SETD2: variants seen among roughly 807,000 people sequenced by gnomAD.
SETD2 encodes SET domain containing 2, histone lysine methyltransferase.
Under a neutral mutation model 242.1 loss-of-function variants are expected in SETD2, and 31 were observed. The ratio of observed to expected loss-of-function variants is 0.13; its 90% CI spans 0.10 to 0.17. The LOEUF (loss-of-function observed/expected upper bound fraction) is 0.17, where lower values mean the gene tolerates loss of function less well. Among genes scored for constraint, SETD2 ranks in the 10% least tolerant of loss-of-function variants. The pLI is 1.00. For synonymous variants in SETD2, 1,006 were observed against 1,066.5 expected, an observed-to-expected ratio of 0.94 and a Z score of 1.11; for missense variants, 2,481 against 3,046.3, an observed-to-expected ratio of 0.81 and a Z score of 4.37.
intron 18 of SETD2, among the ~76,000 whole-genome samples, chr3:47,023,696 C>A (rs569508968): frequency 6.6e-6 from 1 of 151,862 alleles, no homozygotes; most frequent in Non-Finnish European, 1.5e-5. Flanking sequence ...AAATAAGAAC[C>A]AATTTTAAAA....
intron 13 of SETD2, among the ~76,000 whole-genome samples, chr3:47,066,731 A>G (rs944364276): frequency 6.8e-6 from 1 of 146,728 alleles, no homozygotes. Flanking sequence ...TCTGGTGCGA[A>G]GGAAAAAAAA....
chr3:47,052,822 T>TA (rs959118597), intron 15 of SETD2, among the ~76,000 whole-genome samples: 37 of 150,768 alleles, frequency 2.5e-4, no homozygotes, highest in South Asian at 8.5e-4. Flanking sequence ...TCTCCAAAAA[T>TA]AAAAAAAAAT....
At chr3:47,105,514 C>G (rs558533274) in intron 6 of SETD2, among the ~76,000 whole-genome samples, 2 of 151,750 alleles carry the variant, frequency 1.3e-5, no homozygotes, top group African/African-American at 2.4e-5. Flanking sequence ...GTAAATTCCT[C>G]TCTCTTCCAT....
At chr3:47,118,593 C>T (rs1402820686) in intron 3 of SETD2, among the ~76,000 whole-genome samples, 4 of 150,126 alleles carry the variant, frequency 2.7e-5, no homozygotes, top group East Asian at 2.0e-4. Context: ...TGGTGGCACC[C>T]GGCAGAGGTT....
chr3:47,148,225 G>C (rs1485381027), intron 1 of SETD2, among the ~76,000 whole-genome samples: 1 of 151,860 alleles, frequency 6.6e-6, no homozygotes, highest in East Asian at 1.9e-4. Context: ...CTGCCTCCTG[G>C]GTTCAAACAA....
intron 4 of SETD2, 88 bp downstream of exon 4, chr3:47,116,535 G>T (rs2107727171): frequency 1.4e-6 from 2 of 1,386,180 alleles, no homozygotes; most frequent in Non-Finnish European, 2.0e-6. Flanking sequence ...TAGGAGAAAG[G>T]TTAAATTTTA....
chr3:47,066,871 G>A lies in SETD2; in HGVS notation c.6109+199C>T, dbSNP rs73079603. The A allele has an allele frequency of 0.17, 82,735 of 481,684 alleles. 8,093 individuals are homozygous for A. The highest frequency in any genetic ancestry group is 0.21 in the Middle Eastern group (382 of 1,796). 29.8% of individuals were successfully genotyped at this position (481,684 alleles called of 1,614,324 possible). A position where few individuals can be genotyped will look rare whatever the true frequency, so the allele number is the denominator to read the frequency against. On this transcript the variant is annotated intron_variant, in intron 13 of 20. Transcript: ENST00000409792. ...TCAAGGAAAGCGACAACAAAACAGT[G>A]TAAGAGACATTTCCTTTGGCAAAAT... is the stretch of plus-strand genomic sequence containing the variant.
chr3:47,101,597 AGTGTGTGTGTGTGTGT>A (rs61571386), intron 7 of SETD2, 42 bp from the exon 8 acceptor site: 43 of 734,010 alleles, frequency 5.9e-5, no homozygotes, highest in Admixed American at 1.1e-4. Context: ...GTAACTTATT[AGTGTGTGTGTGTGTGT>A]GTGTGTGTGT....
chr3:47,131,577 G>A (rs563537031), intron 1 of SETD2, among the ~76,000 whole-genome samples: 10 of 152,130 alleles, frequency 6.6e-5, no homozygotes, highest in African/African-American at 1.9e-4. Flanking sequence ...TCTCGACCTC[G>A]TGATCCGCCT....
chr3:47,057,769 T>C (rs2040142725), intron 14 of SETD2, among the ~76,000 whole-genome samples: 1 of 152,176 alleles, frequency 6.6e-6, no homozygotes, highest in Admixed American at 6.5e-5. Flanking sequence ...ATCCTATTCT[T>C]TATAGCTGGG....
intron 16 of SETD2, among the ~76,000 whole-genome samples, chr3:47,044,689 T>C (rs1414182069): frequency 6.6e-6 from 1 of 152,198 alleles, no homozygotes; most frequent in African/African-American, 2.4e-5. Context: ...CTCCTACATA[T>C]GTTGCAGAAT....
chr3:47,099,659 G>A (rs925244279), intron 8 of SETD2, among the ~76,000 whole-genome samples: 1 of 152,082 alleles, frequency 6.6e-6, no homozygotes, highest in Admixed American at 6.6e-5. Flanking sequence ...GCCCAGGCTG[G>A]ACTGTAGTAG....
intron 16 of SETD2, among the ~76,000 whole-genome samples, chr3:47,043,251 T>C (rs2039367085): frequency 1.3e-5 from 2 of 152,176 alleles, no homozygotes; most frequent in Non-Finnish European, 2.9e-5. Context: ...CTGTGACTGT[T>C]ACTGGGACAC....
rs2040123112 is a variant in SETD2 at position 47,057,217 on chromosome 3, C to T, written c.6567G>A (p.Leu2189=). ...ACACTGGGTCCATGCTGGGTGTGGG[C>T]AGGAGCACCTTTCCAGCATTAGGGT... The part of the protein sequence containing the change: ...PSNPNAGKVL[L]PTPSMDPVCS... The change falls in exon 15 of 21, where the codon CTG becomes CTA. Residue 2189 remains leucine, a synonymous_variant. Transcript: ENST00000409792. 3.7e-6 allele frequency: 6 copies of T among 1,614,222 alleles called. No homozygotes were observed. The highest frequency in any genetic ancestry group is 5.1e-6 in the Non-Finnish European group (6 of 1,180,038).
rs138535378 is a variant in SETD2, at chr3:47,046,167, G to A, written c.7098+320C>T. ...AGCCTGGTCAACATGGGGAAACTCC[G>A]TCTCTACTAAAAATACAAAATTAGC... is the stretch of plus-strand genomic sequence containing the variant. On this transcript the variant is annotated intron_variant, in intron 16 of 20. Transcript: ENST00000409792. Among the ~76,000 whole-genome samples, 4,934 of 150,994 alleles carry A rather than the reference G, an allele frequency of 0.033. 234 individuals carry two copies. The highest frequency in any genetic ancestry group is 0.13 in the East Asian group (678 of 5,082).
chr3:47,045,721 A>G lies in SETD2; in HGVS notation c.7098+766T>C, dbSNP rs376307772. Among the ~76,000 whole-genome samples the G allele has an allele frequency of 1.6e-3, 239 of 150,390 alleles. 7 individuals are homozygous for G. In the South Asian group the frequency reaches 0.048, roughly 30 times the overall value. ...AAAAATTATTACTTCAAAAATTCAT[A>G]GTAAAATATAAAAATACAAGGTCAG... On this transcript the variant is annotated intron_variant, in intron 16 of 20. Coordinates refer to ENST00000409792, the MANE Select transcript of SETD2 (RefSeq NM_014159.7).
At chr3:47,062,639 T>C (rs2040388519) in intron 13 of SETD2, among the ~76,000 whole-genome samples, 1 of 152,204 alleles carries the variant, frequency 6.6e-6, no homozygotes, top group Non-Finnish European at 1.5e-5. Flanking sequence ...AGCACATGCA[T>C]GCAAGATATT....
chr3:47,129,105 G>C (rs2043418412), intron 1 of SETD2, among the ~76,000 whole-genome samples: 1 of 152,090 alleles, frequency 6.6e-6, no homozygotes, highest in Non-Finnish European at 1.5e-5. Flanking sequence ...GGGAGGGAAG[G>C]GGGCATAATG....
chr3:47,124,824 GT>G (rs2043261506), intron 2 of SETD2, among the ~76,000 whole-genome samples: 2 of 151,916 alleles, frequency 1.3e-5, no homozygotes, highest in Admixed American at 6.6e-5. Context: ...ACTTTTTTCA[GT>G]TTTATAACTA....
Sources: allele counts gnomAD v4.1 joint callset (sites outside exome capture counted in the v4.1 genomes callset), GRCh38; gene constraint gnomAD v4.1.1; transcripts MANE v1.5; gene names NCBI Gene and HGNC (gene_info 2026-07-23, HGNC 2026-07-21).